The following ACAD10 variants were observed in gnomAD, a reference collection of about 807,000 sequenced individuals.
The protein encoded by ACAD10 is acyl-CoA dehydrogenase family member 10, also known as ACAD-10.
A neutral mutation model predicts 116.8 loss-of-function variants in ACAD10; 112 were observed. The ratio of observed to expected loss-of-function variants is 0.96; its 90% CI spans 0.82 to 1.12. The LOEUF is 1.12. Among genes scored for constraint, ACAD10 ranks in the 50% most tolerant of loss-of-function variants. The probability of loss-of-function intolerance (pLI) is 0.00; values close to 1 mark genes in which losing one functional copy is unlikely to be tolerated. For missense variants in ACAD10, 1,259 were observed against 1,350.2 expected (o/e 0.93, Z 1.06); for synonymous variants, 486 against 510.6 (o/e 0.95, Z 0.65).
At chr12:111,749,580 C>G in intron 18 of ACAD10, 1 of 558,556 alleles carries the variant, frequency 1.8e-6, no homozygotes, top group Non-Finnish European at 3.1e-6. Context: ...ACGCCAGGCT[C>G]TGTAGCAGCA....
At chr12:111,706,782 A>ATT (rs36125603) in intron 4 of ACAD10, among the ~76,000 whole-genome samples, 4,703 of 126,394 alleles carry the variant, frequency 0.037, 138 homozygotes, top group Middle Eastern at 0.085. Flanking sequence ...ATATATATAT[A>ATT]TTTTTTTTTT....
At chr12:111,692,561 T>G (rs1593011639) in intron 1 of ACAD10, 136 bp from the exon 2 acceptor site, 1 of 805,400 alleles carries the variant, frequency 1.2e-6, no homozygotes. Flanking sequence ...GACACTGAGG[T>G]CAGTTGTGGG....
At chr12:111,698,711 A>T (rs1777480115) in intron 2 of ACAD10, among the ~76,000 whole-genome samples, 3 of 151,814 alleles carry the variant, frequency 2.0e-5, no homozygotes, top group Non-Finnish European at 4.4e-5. Context: ...TCCCTACCTT[A>T]GGTGATTGCC....
chr12:111,723,665 C>G (rs537789746), intron 8 of ACAD10, among the ~76,000 whole-genome samples: 2 of 138,942 alleles, frequency 1.4e-5, no homozygotes, highest in Non-Finnish European at 3.1e-5. Context: ...ACCTCCCTCC[C>G]GGACGGGGCG....
chr12:111,699,244 T>G (rs1037998803), intron 2 of ACAD10, among the ~76,000 whole-genome samples: 1 of 152,212 alleles, frequency 6.6e-6, no homozygotes. Flanking sequence ...TTTACTGTAT[T>G]GGGAATTTGT....
chr12:111,712,396 A>G, intron 5 of ACAD10, 102 bp from the exon 6 acceptor site: 1 of 1,139,106 alleles, frequency 8.8e-7, no homozygotes, highest in Non-Finnish European at 1.2e-6. Flanking sequence ...TGAATTGTAA[A>G]ATTAAAAATA....
chr12:111,747,993 T>C (rs78455539), intron 16 of ACAD10, among the ~76,000 whole-genome samples: 2,384 of 152,274 alleles, frequency 0.016, 72 homozygotes, highest in African/African-American at 0.054. Flanking sequence ...AGAGCCGTTA[T>C]GTGTGCACCA....
chr12:111,712,642 G>C lies in ACAD10; in HGVS notation c.835G>C (p.Gly279Arg), dbSNP rs757691564. 1 of 1,613,890 alleles carries C rather than the reference G, an allele frequency of 6.2e-7. No homozygotes were observed. Among genetic ancestry groups the C allele is most frequent in the African/African-American group, 1.3e-5 (1 of 74,866 alleles). The change falls in exon 6 of 21, where the codon GGT (glycine) becomes CGT (arginine). Residue 279 changes from glycine to arginine, a missense_variant. By Grantham distance (125) the Gly-to-Arg change is moderately radical (BLOSUM62 -2). Transcript: ENST00000313698. Reference protein sequence around the residue: ...SLQKYLKDLLGIQTTGPLELL... With the variant: ...SLQKYLKDLLRIQTTGPLELL... Reference sequence around the variant, plus strand: ...GCAGAAGTACCTCAAAGACTTACTGGGTATCCAGACCACAGGTATGTGGGC... The same window carrying C: ...GCAGAAGTACCTCAAAGACTTACTGCGTATCCAGACCACAGGTATGTGGGC...
chr12:111,716,018 T>C, intron 7 of ACAD10, 56 bp downstream of exon 7: 1 of 1,606,248 alleles, frequency 6.2e-7, no homozygotes, highest in South Asian at 1.1e-5. Context: ...GTGCACAAGC[T>C]CAGCCCTAAA....
rs774815500 is a variant in ACAD10 at position 111,747,051 on chromosome 12, A to G, written c.2259A>G (p.Val753=). The change falls in exon 15 of 21, where the codon GTA becomes GTG. Residue 753 remains valine (V), a splice_region_variant and synonymous_variant. Transcript: ENST00000313698. ...GTCACGCTCCTTTTCCTTCTCAGGT[A>G]TGTAACTGCTCTGCGCCTGACACGG... The part of the protein sequence containing the change: ...LMGTSLYAPE[V]CNCSAPDTGN... 42 of 1,591,852 alleles carry G rather than the reference A, an allele frequency of 2.6e-5. No individual in the cohort carries two copies. In the Middle Eastern group the frequency reaches 1.2e-3, roughly 44 times the overall value.
At chr12:111,755,990 C>G in intron 20 of ACAD10, 1 of 726,548 alleles carries the variant, frequency 1.4e-6, no homozygotes. Flanking sequence ...GGTCACTGAG[C>G]TTGCAAGTAG....
At chr12:111,702,807 T>C (rs1888387917) in intron 3 of ACAD10, among the ~76,000 whole-genome samples, 2 of 152,076 alleles carry the variant, frequency 1.3e-5, no homozygotes, top group Non-Finnish European at 2.9e-5. Context: ...ACTAAAAATA[T>C]TCTTAGCCAG....
chr12:111,693,805 G>A (rs1448057247), intron 2 of ACAD10, among the ~76,000 whole-genome samples: 1 of 152,090 alleles, frequency 6.6e-6, no homozygotes, highest in Non-Finnish European at 1.5e-5. Flanking sequence ...TCAAGCAGTA[G>A]AAAACCTAAC....
In ACAD10 at chr12:111,702,161, G is replaced by A. The variant is rs1477340905; in HGVS notation, c.188-1G>A. On this transcript the variant is annotated splice_acceptor_variant, in intron 2 of 20. Coordinates refer to ENST00000313698, the MANE Select transcript of ACAD10 (RefSeq NM_025247.6). LOFTEE classifies it high-confidence loss of function. ...ACTTTTGCATATTTTGCTTCCTATA[G>A]AATGGGAGGTACAGAATCGTATCCC... 6.2e-7 allele frequency: 1 copy of A among 1,611,204 alleles called. No individual in the cohort carries two copies. Among genetic ancestry groups the A allele is most frequent in the Non-Finnish European group, 8.5e-7 (1 of 1,179,224 alleles).
chr12:111,722,437 G>A (rs1889041922), intron 8 of ACAD10, among the ~76,000 whole-genome samples: 1 of 151,752 alleles, frequency 6.6e-6, no homozygotes, highest in Non-Finnish European at 1.5e-5. Flanking sequence ...CTCACAGAGG[G>A]GGATTTGGCT....
Position 111,747,178 on chromosome 12 carries a change from G to A in ACAD10, c.2386G>A (p.Glu796Lys), listed in dbSNP as rs756489569. Residue 796 changes from glutamate (E) to lysine (K), a missense_variant, in exon 15 of 21, where the codon GAG becomes AAG. Glu to Lys is a moderately conservative substitution (Grantham distance 56, BLOSUM62 1). Transcript: ENST00000313698. Reference sequence around the variant, plus strand: ...AGCCCGCTCCTGTTTTGCTATGACCGAGCCCCAGGTACGTCGCCTGGGCTG... The same window carrying A: ...AGCCCGCTCCTGTTTTGCTATGACCAAGCCCCAGGTACGTCGCCTGGGCTG... ...GKARSCFAMT[E>K]PQVASSDATN... The A allele has an allele frequency of 1.1e-5, 18 of 1,609,824 alleles. No homozygotes were observed. Among genetic ancestry groups the A allele is most frequent in the East Asian group, 4.5e-5 (2 of 44,758 alleles).
intron 8 of ACAD10, among the ~76,000 whole-genome samples, chr12:111,723,422 AC>A (rs1260458444): frequency 1.7e-4 from 17 of 99,176 alleles, no homozygotes; most frequent in Non-Finnish European, 2.2e-4. Flanking sequence ...CGGGGGGCTG[AC>A]CCCCCCGCCT....
At chr12:111,726,967 C>T (rs532697199) in intron 8 of ACAD10, among the ~76,000 whole-genome samples, 6 of 151,322 alleles carry the variant, frequency 4.0e-5, no homozygotes, top group Admixed American at 6.6e-5. Flanking sequence ...GGCTCACACA[C>T]GTAATCCCAA....
intron 18 of ACAD10, among the ~76,000 whole-genome samples, chr12:111,750,167 C>T (rs764202624): frequency 6.7e-6 from 1 of 150,330 alleles, no homozygotes; most frequent in Non-Finnish European, 1.5e-5. Flanking sequence ...TCTTGGCTCA[C>T]TGCAACCTCT....
Sources: gnomAD v4.1 joint callset for allele counts (sites outside exome capture counted in the v4.1 genomes callset) on GRCh38, gnomAD v4.1.1 for gene constraint, MANE v1.5 for transcripts, NCBI Gene and HGNC (gene_info 2026-07-23, HGNC 2026-07-21) for gene names.